Variants in MDGA2 observed in about 807,000 individuals in gnomAD.
MDGA2 encodes the protein MAM domain containing glycosylphosphatidylinositol anchor 2.
Under a neutral mutation model 117.8 loss-of-function variants are expected in MDGA2, and 40 were observed. That is an observed-to-expected ratio of 0.34 (90% confidence interval 0.26 to 0.44). The LOEUF is 0.44. Ranked by LOEUF, MDGA2 falls within the 20% of genes least tolerant of loss-of-function variation. MDGA2 has a pLI of 1.00. For synonymous variants in MDGA2, 452 were observed against 439.0 expected (o/e 1.03, Z -0.37); for missense variants, 1,123 against 1,250.6 (o/e 0.90, Z 1.54).
intron 6 of MDGA2, among the ~76,000 whole-genome samples, chr14:47,079,487 T>C (rs1890619727): frequency 6.6e-6 from 1 of 152,150 alleles, no homozygotes; most frequent in South Asian, 2.1e-4. Flanking sequence ...AATATTGGGA[T>C]GCAGGCAAAT....
At chr14:47,037,676 C>T (rs953302149) in intron 7 of MDGA2, among the ~76,000 whole-genome samples, 1 of 152,148 alleles carries the variant, frequency 6.6e-6, no homozygotes, top group Non-Finnish European at 1.5e-5. Flanking sequence ...ATAAGGCCAA[C>T]ATCTATATTT....
At chr14:47,430,445 C>T (rs1566452779) in intron 1 of MDGA2, among the ~76,000 whole-genome samples, 2 of 151,996 alleles carry the variant, frequency 1.3e-5, no homozygotes, top group Admixed American at 1.3e-4. Context: ...CCCTTTGCCA[C>T]GATCTGCGTT....
At chr14:47,292,028 T>C (rs1241478148) in intron 2 of MDGA2, among the ~76,000 whole-genome samples, 4 of 152,208 alleles carry the variant, frequency 2.6e-5, no homozygotes, top group Non-Finnish European at 5.9e-5. Context: ...GCATACCAGC[T>C]AGTGCCAGGG....
chr14:46,970,316 T>C (rs1886214381), intron 8 of MDGA2, among the ~76,000 whole-genome samples: 1 of 152,014 alleles, frequency 6.6e-6, no homozygotes, highest in Non-Finnish European at 1.5e-5. Context: ...TACAAGGCCA[T>C]GGTAACAATA....
At chr14:47,008,838 G>A (rs1283013784) in intron 8 of MDGA2, among the ~76,000 whole-genome samples, 1 of 151,834 alleles carries the variant, frequency 6.6e-6, no homozygotes, top group East Asian at 1.9e-4. Context: ...TAATATTTAT[G>A]CTATTTAAAA....
chr14:46,982,215 A>G (rs1316460388), intron 8 of MDGA2, among the ~76,000 whole-genome samples: 1 of 152,170 alleles, frequency 6.6e-6, no homozygotes, highest in African/African-American at 2.4e-5. Context: ...ACTAACATGA[A>G]AAGACTAGTA....
chr14:47,624,229 G>A (rs1028717733), intron 1 of MDGA2, among the ~76,000 whole-genome samples: 1 of 152,150 alleles, frequency 6.6e-6, no homozygotes, highest in Non-Finnish European at 1.5e-5. Context: ...AGGCCGAGGC[G>A]GGCGGATCAC....
chr14:47,233,380 G>C lies in MDGA2; in HGVS notation c.421-15185C>G, dbSNP rs78263754. 3.7e-4 allele frequency among the ~76,000 whole-genome samples: 57 copies of C among 152,158 alleles called. No homozygotes were observed. The East Asian group carries it at 0.011, about 29-fold the overall frequency. ...AAAATCTATGTCAAAATTACAATGC[G>C]TATGATAAAGATTTGGTCGTCTCTC... On this transcript the variant is annotated intron_variant, in intron 2 of 16. Coordinates refer to ENST00000399232, the MANE Select transcript of MDGA2 (RefSeq NM_001113498.3).
At chr14:47,375,888 C>A (rs1055545480) in intron 1 of MDGA2, among the ~76,000 whole-genome samples, 2 of 152,070 alleles carry the variant, frequency 1.3e-5, no homozygotes, top group African/African-American at 4.8e-5. Flanking sequence ...CCCAAAAGAA[C>A]CTGGCCCACA....
chr14:47,627,703 G>GC (rs1242160017), intron 1 of MDGA2, among the ~76,000 whole-genome samples: 1 of 152,138 alleles, frequency 6.6e-6, no homozygotes, highest in Non-Finnish European at 1.5e-5. Flanking sequence ...AAAGCAGTCT[G>GC]CCCCAGCCAG....
chr14:46,892,099 G>T (rs899962958), intron 10 of MDGA2, among the ~76,000 whole-genome samples: 1 of 151,568 alleles, frequency 6.6e-6, no homozygotes, highest in African/African-American at 2.4e-5. Context: ...CTTATTTAAA[G>T]AAAATAATAT....
intron 1 of MDGA2, among the ~76,000 whole-genome samples, chr14:47,658,798 C>T (rs974639736): frequency 6.6e-6 from 1 of 152,162 alleles, no homozygotes; most frequent in African/African-American, 2.4e-5. Context: ...AGGGGCAACC[C>T]ACGTCCAAGG....
At chr14:46,903,217 C>T (rs1458120846) in intron 10 of MDGA2, among the ~76,000 whole-genome samples, 1 of 152,156 alleles carries the variant, frequency 6.6e-6, no homozygotes, top group African/African-American at 2.4e-5. Context: ...CCTAACTTTT[C>T]CTGGTTGTGA....
intron 2 of MDGA2, among the ~76,000 whole-genome samples, chr14:47,260,847 C>A (rs946289537): frequency 6.6e-6 from 1 of 151,978 alleles, no homozygotes; most frequent in South Asian, 2.1e-4. Context: ...GTACGTTGTA[C>A]TATGGTCAGT....
At chr14:47,066,884 C>T (rs1377937245) in intron 6 of MDGA2, among the ~76,000 whole-genome samples, 2 of 152,078 alleles carry the variant, frequency 1.3e-5, no homozygotes, top group East Asian at 1.9e-4. Context: ...GAGGCTGAGA[C>T]GGGCAGAGAA....
chr14:47,307,637 G>A (rs1350412976), intron 1 of MDGA2, among the ~76,000 whole-genome samples: 7 of 151,742 alleles, frequency 4.6e-5, no homozygotes, highest in East Asian at 3.9e-4. Context: ...GACAAGATCC[G>A]AGATCTTGTC....
intron 1 of MDGA2, among the ~76,000 whole-genome samples, chr14:47,494,510 T>C (rs1894237878): frequency 6.6e-6 from 1 of 152,232 alleles, no homozygotes. Context: ...GATTATTTCT[T>C]TTGCTGTGCA....
chr14:46,901,777 T>C (rs1422989944), intron 10 of MDGA2, among the ~76,000 whole-genome samples: 3 of 152,202 alleles, frequency 2.0e-5, no homozygotes, highest in African/African-American at 7.2e-5. Context: ...GGTTTAAGGA[T>C]GGTGAGCTGA....
At chr14:47,329,451 T>C (rs931402799) in intron 1 of MDGA2, among the ~76,000 whole-genome samples, 7 of 152,128 alleles carry the variant, frequency 4.6e-5, no homozygotes, top group South Asian at 2.1e-4. Flanking sequence ...GTTCCTAGCA[T>C]AGAACGATAG....
Sources: gnomAD v4.1 joint callset for allele counts (sites outside exome capture counted in the v4.1 genomes callset) on GRCh38, gnomAD v4.1.1 for gene constraint, MANE v1.5 for transcripts, NCBI Gene and HGNC (gene_info 2026-07-23, HGNC 2026-07-21) for gene names.